The following NOL11 variants were observed in gnomAD, a reference collection of about 807,000 sequenced individuals.
The protein encoded by NOL11 is nucleolar protein 11.
NOL11 carries 42 observed loss-of-function variants against 93.0 expected under a neutral mutation model. That is an observed-to-expected ratio of 0.45 (90% CI 0.35 to 0.58). NOL11 has a LOEUF of 0.58. NOL11 is among the 20% of genes least tolerant of loss of function. The pLI, the probability that NOL11 is intolerant of heterozygous loss-of-function variation, is 0.00. For synonymous variants in NOL11, 296 were observed against 293.7 expected, an observed-to-expected ratio of 1.01 and a Z score of -0.08; for missense variants, 775 against 841.8, an observed-to-expected ratio of 0.92 and a Z score of 0.98.
intron 4 of NOL11, among the ~76,000 whole-genome samples, chr17:67,722,109 G>A (rs1162843698): frequency 6.6e-6 from 1 of 152,228 alleles, no homozygotes; most frequent in Non-Finnish European, 1.5e-5. Flanking sequence ...AGACTGACCT[G>A]ATGAATCCCT....
In NOL11 at chr17:67,738,975, C is replaced by T. The variant is rs2055229681; in HGVS notation, c.1807C>T (p.Pro603Ser). 2 of 1,612,710 alleles carry T rather than the reference C, an allele frequency of 1.2e-6. No homozygotes were observed. The highest frequency in any genetic ancestry group is 3.3e-5 in the Admixed American group (2 of 59,938). ...HSAYSETFLL[P>S]HLKDIPAQHI... The stretch of plus-strand genomic sequence containing the variant: ...AGCATATAGCGAGACATTTCTTCTG[C>T]CTCATTTGAAAGACATCCCAGCACA... Residue 603 changes from proline to serine, a missense_variant, in exon 15 of 18, where the codon CCT (proline) becomes TCT (serine). Pro to Ser is a moderately conservative substitution (Grantham distance 74). Transcript: ENST00000253247.
intron 10 of NOL11, 61 bp from the exon 11 acceptor site, chr17:67,737,009 TC>T: frequency 9.0e-7 from 1 of 1,111,978 alleles, no homozygotes; most frequent in Non-Finnish European, 1.4e-6. Context: ...TTCATATCCC[TC>T]TAAATGTGTA....
In NOL11 at chr17:67,744,141, C is replaced by T. The variant is rs1179414893; in HGVS notation, c.*282C>T. ...AAATTATTTGTGTATTGATAAAAGT[C>T]TAATTTCTTATCATGTGTTTTGAAT... On this transcript the variant is annotated 3_prime_UTR_variant, in exon 18 of 18. Transcript: ENST00000253247. 1 of 177,226 alleles carries T rather than the reference C, an allele frequency of 5.6e-6. No homozygotes were observed. Among genetic ancestry groups the T allele is most frequent in the South Asian group, 2.0e-4 (1 of 5,094 alleles). 11.0% of individuals were successfully genotyped at this position (177,226 alleles called of 1,614,324 possible). A position where few individuals can be genotyped will look rare whatever the true frequency, so the allele number is the denominator to read the frequency against.
chr17:67,739,854 T>C (rs1208609576), intron 16 of NOL11, among the ~76,000 whole-genome samples: 2 of 152,226 alleles, frequency 1.3e-5, no homozygotes, highest in Non-Finnish European at 2.9e-5. Context: ...ATTATGACCC[T>C]TCCCTTTTCC....
Position 67,724,168 on chromosome 17 carries a change from G to T in NOL11, c.639G>T (p.Arg213=). ...VIKSFTASVD[R]KFISLMSLSS... ...AGAGTTTTACTGCATCTGTAGATCG[G>T]AAATTCATCTCTTTGATGTCATTAA... is the stretch of plus-strand genomic sequence containing the variant. The change falls in exon 6 of 18, where the codon CGG becomes CGT. Residue 213 remains arginine (R), a synonymous_variant. Transcript: ENST00000253247. The T allele has an allele frequency of 6.4e-7, 1 of 1,572,562 alleles. No homozygotes were observed. The highest frequency in any genetic ancestry group is 1.2e-5 in the South Asian group (1 of 86,490).
chr17:67,724,079 T>G lies in NOL11; in HGVS notation c.550T>G (p.Phe184Val). Residue 184 changes from phenylalanine (F) to valine (V), a missense_variant, in exon 6 of 18, where the codon TTT becomes GTT. By Grantham distance (50) the Phe-to-Val change is conservative (BLOSUM62 -1). This residue lies in a region of NOL11 where 359 missense variants were observed against 316.5 expected (regional missense o/e 1.13). Coordinates refer to ENST00000253247, the MANE Select transcript of NOL11 (RefSeq NM_015462.5). ...HGNYFAYVQM[F>V]NSRILTKYTL... is the part of the protein sequence containing the mutation. Reference sequence around the variant, plus strand: ...AAATTACTTTGCTTACGTGCAAATGTTTAACTCACGTATCTTAACCAAATA... The same window carrying G: ...AAATTACTTTGCTTACGTGCAAATGGTTAACTCACGTATCTTAACCAAATA... 6.4e-7 allele frequency: 1 copy of G among 1,571,532 alleles called. No homozygotes were observed. The highest frequency in any genetic ancestry group is 2.3e-5 in the East Asian group (1 of 44,408).
intron 11 of NOL11, 126 bp downstream of exon 11, chr17:67,737,271 T>A: frequency 1.4e-6 from 1 of 710,792 alleles, no homozygotes; most frequent in Non-Finnish European, 2.4e-6. Context: ...TGTAGTATCT[T>A]AAGGGTGTCA....
Position 67,737,587 on chromosome 17 carries a change from T to C in NOL11, c.1298T>C (p.Ile433Thr), listed in dbSNP as rs547196290. ...LKQTPDFHTV[I>T]GDTVTGLLER... The stretch of plus-strand genomic sequence containing the variant: ...CAGACACCTGACTTTCATACTGTCA[T>C]TGGGGACACAGTAACAGGACTTCTG... Residue 433 changes from isoleucine (I) to threonine (T), a missense_variant, in exon 12 of 18, where the codon ATT becomes ACT. Ile to Thr is a moderately conservative substitution (Grantham distance 89, BLOSUM62 -1). This residue lies in a region of NOL11 where 416 missense variants were observed against 525.2 expected (regional missense o/e 0.79). Coordinates refer to ENST00000253247, the MANE Select transcript of NOL11 (RefSeq NM_015462.5). 81 of 1,614,068 alleles carry C rather than the reference T, an allele frequency of 5.0e-5. No individual in the cohort carries two copies. The highest frequency in any genetic ancestry group is 9.9e-5 in the South Asian group (9 of 91,070).
chr17:67,722,292 G>A (rs1390933012), intron 4 of NOL11, among the ~76,000 whole-genome samples: 2 of 152,192 alleles, frequency 1.3e-5, no homozygotes, highest in Non-Finnish European at 2.9e-5. Context: ...AAGAAAATGA[G>A]GTAGGGGAGT....
In NOL11 at chr17:67,721,440, G is replaced by T. The variant is rs200900858; in HGVS notation, c.375G>T (p.Lys125Asn). 1.1e-5 allele frequency: 17 copies of T among 1,613,788 alleles called. No individual in the cohort carries two copies. The East Asian group carries it at 3.3e-4, about 32-fold the overall frequency. ...GGACAGAACCCTTGGTGCTCTTCAA[G>T]GAAGGTGCTGTTCGTGGTTTAGAGG... ...VQGTEPLVLF[K>N]EGAVRGLEAL... The change falls in exon 4 of 18, where the codon AAG becomes AAT. Residue 125 changes from lysine to asparagine, a missense_variant. Around this residue, in one of 2 missense-constraint regions of NOL11, gnomAD observed 359 missense variants for 316.5 expected, o/e 1.13. Coordinates refer to ENST00000253247, the MANE Select transcript of NOL11 (RefSeq NM_015462.5).
At chr17:67,724,344 T>G (rs2055067310) in intron 6 of NOL11, 151 bp downstream of exon 6, 7 of 472,300 alleles carry the variant, frequency 1.5e-5, no homozygotes, top group Non-Finnish European at 1.8e-5. Flanking sequence ...TTTTTTTTTT[T>G]TTTTTTTGAG....
At chr17:67,723,400 TTTTTTTTG>T (rs2055054121) in intron 5 of NOL11, among the ~76,000 whole-genome samples, 2 of 40,630 alleles carry the variant, frequency 4.9e-5, no homozygotes, top group Non-Finnish European at 1.0e-4. Context: ...TTTTTTTTTT[TTTTTTTTG>T]AGACGATTCT....
chr17:67,724,348 T>A (rs1209187942), intron 6 of NOL11, among the ~76,000 whole-genome samples, 155 bp downstream of exon 6: 3 of 151,062 alleles, frequency 2.0e-5, no homozygotes, highest in Non-Finnish European at 4.4e-5. Flanking sequence ...TTTTTTTTTT[T>A]TTTGAGACAG....
chr17:67,743,574 T>G lies in NOL11; in HGVS notation c.2031T>G (p.Leu677=). 1 of 1,591,986 alleles carries G rather than the reference T, an allele frequency of 6.3e-7. No homozygotes were observed. Among genetic ancestry groups the G allele is most frequent in the South Asian group, 1.1e-5 (1 of 88,654 alleles). The change falls in exon 17 of 18, where the codon CTT becomes CTG. Residue 677 remains leucine (L), a synonymous_variant. Transcript: ENST00000253247. ...GGCTACTGATAAATCTTTACAAGCT[T>G]GTAAAATCTCAGGTTTGTGATTATT... ...AKRLLINLYK[L]VKSQISVYSE...
chr17:67,739,430 C>A, intron 15 of NOL11, 86 bp from the exon 16 acceptor site: 3 of 764,786 alleles, frequency 3.9e-6, no homozygotes, highest in Non-Finnish European at 2.1e-6. Context: ...ATAAATTGAA[C>A]ATTTTTTTCA....
intron 8 of NOL11, among the ~76,000 whole-genome samples, chr17:67,735,164 C>G (rs2055189555): frequency 6.6e-6 from 1 of 152,086 alleles, no homozygotes; most frequent in Non-Finnish European, 1.5e-5. Flanking sequence ...AGGCAGGGTT[C>G]CTTGTGAGTT....
At chr17:67,728,527 C>G (rs548051556) in intron 7 of NOL11, among the ~76,000 whole-genome samples, 2 of 152,148 alleles carry the variant, frequency 1.3e-5, no homozygotes, top group African/African-American at 4.8e-5. Flanking sequence ...TGCTTCTCCT[C>G]TCTCTTCTCC....
At position 67,739,138 on chromosome 17, in the gene NOL11, C is replaced by G; in HGVS notation, c.1842+128C>G. On this transcript the variant is annotated intron_variant, in intron 15 of 17. Coordinates refer to ENST00000253247, the MANE Select transcript of NOL11 (RefSeq NM_015462.5). ...CATGTGAATAAGAGGTTGCCCAGCT[C>G]TAATGGCAAAAAATTGTGCTGAGAA... 4.4e-6 allele frequency: 3 copies of G among 687,306 alleles called. No individual in the cohort carries two copies. In the South Asian group the frequency reaches 5.7e-5, roughly 13 times the overall value. The allele number at this position is 687,306 out of a possible 1,614,324, so 42.6% of individuals were successfully genotyped here.
At chr17:67,741,195 G>C (rs1371750758) in intron 16 of NOL11, among the ~76,000 whole-genome samples, 1 of 151,970 alleles carries the variant, frequency 6.6e-6, no homozygotes, top group Non-Finnish European at 1.5e-5. Context: ...TCAGCCTCCT[G>C]AGTAGCTGGG....
Sources: gnomAD v4.1 joint callset for allele counts (sites outside exome capture counted in the v4.1 genomes callset) on GRCh38, gnomAD v4.1.1 for gene constraint, gnomAD v4.1.1 regional missense constraint, MANE v1.5 for transcripts, NCBI Gene and HGNC (gene_info 2026-07-23, HGNC 2026-07-21) for gene names.